Variants in ADGRL3 observed in about 807,000 individuals in gnomAD.
The protein encoded by ADGRL3 is adhesion G protein-coupled receptor L3.
A neutral mutation model predicts 153.5 loss-of-function variants in ADGRL3; 62 were observed. That is an observed-to-expected ratio of 0.40 (90% CI 0.33 to 0.50). The LOEUF (loss-of-function observed/expected upper bound fraction) is 0.50. Ranked by LOEUF, ADGRL3 falls within the 20% of genes least tolerant of loss-of-function variation. The pLI is 0.47. For missense variants in ADGRL3, 1,641 were observed against 1,859.4 expected (o/e 0.88, Z 2.16); for synonymous variants, 710 against 672.5 (o/e 1.06, Z -0.86).
intron 21 of ADGRL3, among the ~76,000 whole-genome samples, chr4:62,018,042 A>T (rs1342181210): frequency 6.6e-6 from 1 of 152,110 alleles, no homozygotes; most frequent in African/African-American, 2.4e-5. Context: ...AAGATGAGAG[A>T]TTCAAAAGAA....
chr4:61,614,095 A>T (rs2091716683), intron 5 of ADGRL3, among the ~76,000 whole-genome samples: 1 of 152,180 alleles, frequency 6.6e-6, no homozygotes, highest in South Asian at 2.1e-4. Context: ...TAGCTCAAAA[A>T]ATTACAAAAT....
At chr4:61,693,926 T>A (rs1055833189) in intron 6 of ADGRL3, among the ~76,000 whole-genome samples, 4 of 152,262 alleles carry the variant, frequency 2.6e-5, no homozygotes, top group African/African-American at 7.2e-5. Flanking sequence ...AGTTTCTGAA[T>A]GCTAAAAGTA....
intron 5 of ADGRL3, among the ~76,000 whole-genome samples, chr4:61,631,105 T>C (rs1018383783): frequency 1.3e-5 from 2 of 152,150 alleles, no homozygotes; most frequent in Non-Finnish European, 1.5e-5. Flanking sequence ...TCTTTTGTAC[T>C]CTTTTACAAT....
intron 2 of ADGRL3, among the ~76,000 whole-genome samples, chr4:61,390,430 T>C (rs910842620): frequency 9.9e-5 from 15 of 152,262 alleles, no homozygotes; most frequent in Admixed American, 5.9e-4. Flanking sequence ...TAGAATGAGG[T>C]CTGTTCTGAG....
intron 2 of ADGRL3, among the ~76,000 whole-genome samples, chr4:61,436,944 G>T (rs1379728135): frequency 1.3e-5 from 2 of 151,932 alleles, no homozygotes; most frequent in African/African-American, 2.4e-5. Flanking sequence ...TCAGCCCATA[G>T]GTAATAGAGA....
chr4:61,498,040 T>C (rs1298121246), intron 3 of ADGRL3, among the ~76,000 whole-genome samples: 1 of 152,188 alleles, frequency 6.6e-6, no homozygotes, highest in Non-Finnish European at 1.5e-5. Flanking sequence ...AAAAAACATT[T>C]TTAATGTAGT....
intron 9 of ADGRL3, among the ~76,000 whole-genome samples, chr4:61,884,825 G>A (rs2098528489): frequency 1.3e-5 from 2 of 151,206 alleles, no homozygotes; most frequent in African/African-American, 2.4e-5. Flanking sequence ...GGTTTTTGCC[G>A]TGTTGGTCAG....
intron 25 of ADGRL3, among the ~76,000 whole-genome samples, chr4:62,059,932 C>T (rs998072246): frequency 2.6e-5 from 4 of 152,094 alleles, no homozygotes; most frequent in African/African-American, 9.7e-5. Flanking sequence ...AACACCTACA[C>T]AAAAACTGAA....
intron 2 of ADGRL3, among the ~76,000 whole-genome samples, chr4:61,432,619 TTTCTTTCTTTCTTTCTTTCTTTCTTTC>T (rs2097376449): frequency 2.5e-5 from 2 of 80,768 alleles, no homozygotes; most frequent in Non-Finnish European, 5.3e-5. Flanking sequence ...TCTTTCTTTC[TTTCTTTCTTTCTTTCTTTCTTTCTTTC>T]TTTCTTTCTT....
chr4:61,695,752 A>C (rs578106175), intron 6 of ADGRL3, among the ~76,000 whole-genome samples: 1 of 152,238 alleles, frequency 6.6e-6, no homozygotes, highest in African/African-American at 2.4e-5. Flanking sequence ...CTACATTGAT[A>C]ATTGGTTTTT....
intron 5 of ADGRL3, 28 bp downstream of exon 5, chr4:61,587,468 T>C (rs778670525): frequency 6.7e-7 from 1 of 1,501,930 alleles, no homozygotes; most frequent in Non-Finnish European, 9.2e-7. Context: ...TTCTTTTCTT[T>C]GTGCACAATA....
chr4:61,653,849 T>C (rs2094354801), intron 5 of ADGRL3, among the ~76,000 whole-genome samples: 1 of 152,190 alleles, frequency 6.6e-6, no homozygotes, highest in South Asian at 2.1e-4. Context: ...ATGGGTCACA[T>C]ACCTGCGCAG....
At chr4:61,449,417 G>A (rs1327631231) in intron 2 of ADGRL3, among the ~76,000 whole-genome samples, 3 of 151,968 alleles carry the variant, frequency 2.0e-5, no homozygotes, top group African/African-American at 4.8e-5. Context: ...TTACAGGCAT[G>A]AGCCACCACG....
intron 25 of ADGRL3, among the ~76,000 whole-genome samples, chr4:62,050,931 T>C (rs1733744421): frequency 6.6e-6 from 1 of 151,804 alleles, no homozygotes; most frequent in South Asian, 2.1e-4. Context: ...GAACAAGCAT[T>C]ATACTGATAT....
intron 1 of ADGRL3, among the ~76,000 whole-genome samples, chr4:61,326,502 T>C (rs1474798346): frequency 2.0e-5 from 3 of 151,036 alleles, no homozygotes; most frequent in African/African-American, 7.3e-5. Flanking sequence ...TGTGAAAAAA[T>C]CCATGAATTT....
chr4:61,231,257 G>A (rs903877388), intron 1 of ADGRL3, among the ~76,000 whole-genome samples: 2 of 152,094 alleles, frequency 1.3e-5, no homozygotes, highest in South Asian at 2.1e-4. Flanking sequence ...TTTGGATTTA[G>A]CAATGTTCAT....
At chr4:61,341,094 A>G (rs1464949917) in intron 1 of ADGRL3, among the ~76,000 whole-genome samples, 2 of 151,992 alleles carry the variant, frequency 1.3e-5, no homozygotes, top group Non-Finnish European at 2.9e-5. Context: ...TAACATATAT[A>G]TATAGACACA....
intron 5 of ADGRL3, among the ~76,000 whole-genome samples, chr4:61,603,114 A>C (rs1049424951): frequency 1.6e-4 from 25 of 152,186 alleles, no homozygotes; most frequent in African/African-American, 5.5e-4. Flanking sequence ...TCACGGTGAC[A>C]TTTCATTCTG....
intron 25 of ADGRL3, among the ~76,000 whole-genome samples, chr4:62,050,370 A>G (rs1295954102): frequency 6.6e-6 from 1 of 152,060 alleles, no homozygotes; most frequent in Non-Finnish European, 1.5e-5. Context: ...CTCTCCCTTC[A>G]GAAGCTTAGA....
Sources: allele counts gnomAD v4.1 joint callset (sites outside exome capture counted in the v4.1 genomes callset), GRCh38; gene constraint gnomAD v4.1.1; transcripts MANE v1.5; gene names NCBI Gene and HGNC (gene_info 2026-07-23, HGNC 2026-07-21).